The following FSTL4 variants were observed in gnomAD, a reference collection of about 807,000 sequenced individuals.
FSTL4 encodes follistatin like 4.
FSTL4 carries 28 observed loss-of-function variants against 78.2 expected under a neutral mutation model. That is an observed-to-expected ratio of 0.36 (90% CI 0.27 to 0.49). The LOEUF (loss-of-function observed/expected upper bound fraction) is 0.49, where lower values mean the gene tolerates loss of function less well. Among genes scored for constraint, FSTL4 ranks in the 20% least tolerant of loss-of-function variants. The pLI is 0.98. For missense variants in FSTL4, 922 were observed against 1,084.9 expected, an observed-to-expected ratio of 0.85 and a Z score of 2.11; for synonymous variants, 422 against 440.5, an observed-to-expected ratio of 0.96 and a Z score of 0.53.
intron 3 of FSTL4, among the ~76,000 whole-genome samples, chr5:133,559,016 C>G (rs1190337645): frequency 6.6e-6 from 1 of 152,152 alleles, no homozygotes; most frequent in Non-Finnish European, 1.5e-5. Context: ...ACAACACAAT[C>G]TTAAAATAAT....
In FSTL4 at chr5:133,198,265, C is replaced by T. The variant is rs543056059; in HGVS notation, c.*830G>A. ...GTTCTGGTTTTTTGGGGTCCCAACACAGAACCGAGTCCTTACGGATGAGGT... is the reference window on the plus strand; with the variant it reads ...GTTCTGGTTTTTTGGGGTCCCAACATAGAACCGAGTCCTTACGGATGAGGT... On this transcript the variant is annotated 3_prime_UTR_variant, in exon 16 of 16. Transcript: ENST00000265342. 1.8e-3 allele frequency: 282 copies of T among 152,712 alleles called. 1 individual carries two copies. The highest frequency in any genetic ancestry group is 2.0e-3 in the Non-Finnish European group (138 of 68,070). The allele number at this position is 152,712 out of a possible 1,614,324, so 9.5% of individuals were successfully genotyped here.
At chr5:133,755,786 G>A in the FSTL4 span, among the ~76,000 whole-genome samples, 21 of 152,190 alleles carry the variant, frequency 1.4e-4, no homozygotes, top group African/African-American at 5.1e-4. Context: ...CACCTGGCGG[G>A]TATAAGCATA....
At chr5:133,723,447 GGTA>G in the FSTL4 span, among the ~76,000 whole-genome samples, 2 of 152,188 alleles carry the variant, frequency 1.3e-5, no homozygotes, top group African/African-American at 4.8e-5. Context: ...TGGGCCCTGG[GGTA>G]GTGGGACATG....
At chr5:133,786,309 A>T in the FSTL4 span, among the ~76,000 whole-genome samples, 1 of 152,214 alleles carries the variant, frequency 6.6e-6, no homozygotes, top group Non-Finnish European at 1.5e-5. Flanking sequence ...GGCCGCAGTT[A>T]AATGTTTCAT....
intron 3 of FSTL4, among the ~76,000 whole-genome samples, chr5:133,472,995 C>G (rs1757855987): frequency 6.6e-6 from 1 of 152,238 alleles, no homozygotes; most frequent in Admixed American, 6.5e-5. Flanking sequence ...GGAGCTCCTG[C>G]CCATGACCTT....
intron 13 of FSTL4, among the ~76,000 whole-genome samples, chr5:133,211,498 C>T (rs1750712944): frequency 6.6e-6 from 1 of 152,190 alleles, no homozygotes; most frequent in Non-Finnish European, 1.5e-5. Context: ...TTCACCCACT[C>T]ATATTCTAGT....
intron 6 of FSTL4, among the ~76,000 whole-genome samples, chr5:133,299,461 A>C (rs993644479): frequency 3.2e-4 from 49 of 152,106 alleles, no homozygotes; most frequent in African/African-American, 1.1e-3. Flanking sequence ...AATTCTAACC[A>C]GGCGGCGGCT....
chr5:133,714,989 T>C, the FSTL4 span, among the ~76,000 whole-genome samples: 1 of 152,250 alleles, frequency 6.6e-6, no homozygotes, highest in Non-Finnish European at 1.5e-5. Flanking sequence ...CTCCATGGGA[T>C]CAGGGCAGTC....
the FSTL4 span, among the ~76,000 whole-genome samples, chr5:133,784,893 G>C: frequency 6.6e-6 from 1 of 152,122 alleles, no homozygotes; most frequent in Admixed American, 6.5e-5. Context: ...TTGTGAAATG[G>C]TGACTTTGGC....
At chr5:133,726,254 C>T in the FSTL4 span, among the ~76,000 whole-genome samples, 2 of 152,198 alleles carry the variant, frequency 1.3e-5, no homozygotes, top group African/African-American at 4.8e-5. Context: ...CTCAGCCATG[C>T]CACCTATCAA....
chr5:133,338,784 C>G lies in FSTL4; in HGVS notation c.410-22132G>C, dbSNP rs548930053. ...CACCCAAGCCCCCTGCTTCCCAAAT[C>G]GCACACCTGGCACTACCTCACCATC... is the stretch of plus-strand genomic sequence containing the variant. On this transcript the variant is annotated intron_variant, in intron 4 of 15. Coordinates refer to ENST00000265342, the MANE Select transcript of FSTL4 (RefSeq NM_015082.2). The surrounding 1 kb of genome is among the most constrained non-coding windows in gnomAD (Gnocchi z 4.0). 5.3e-5 allele frequency among the ~76,000 whole-genome samples: 8 copies of G among 152,082 alleles called. No homozygotes were observed. The highest frequency in any genetic ancestry group is 1.3e-4 in the Admixed American group (2 of 15,274).
chr5:133,452,551 C>A (rs1757406042), intron 3 of FSTL4, among the ~76,000 whole-genome samples: 1 of 152,238 alleles, frequency 6.6e-6, no homozygotes, highest in African/African-American at 2.4e-5. Context: ...AAGTGCTAGG[C>A]TCTGAGAGGT....
chr5:133,301,000 T>C (rs1484076701), intron 6 of FSTL4, among the ~76,000 whole-genome samples: 1 of 152,120 alleles, frequency 6.6e-6, no homozygotes, highest in Non-Finnish European at 1.5e-5. Context: ...TTTCACACTG[T>C]CATCTGAAAG....
chr5:133,841,570 T>G, the FSTL4 span, among the ~76,000 whole-genome samples: 1 of 152,240 alleles, frequency 6.6e-6, no homozygotes, highest in Non-Finnish European at 1.5e-5. Context: ...TTCTCTCTTT[T>G]GGTCCTTACA....
chr5:133,311,590 A>G (rs17166547), intron 6 of FSTL4, among the ~76,000 whole-genome samples: 6,530 of 152,282 alleles, frequency 0.043, 443 homozygotes, highest in African/African-American at 0.15. Flanking sequence ...GGCCTTGTGA[A>G]GGTGTGGAAT....
intron 3 of FSTL4, among the ~76,000 whole-genome samples, chr5:133,558,869 C>T (rs537110160): frequency 1.1e-4 from 16 of 152,252 alleles, no homozygotes; most frequent in Non-Finnish European, 1.8e-4. Context: ...GGGCCAAATG[C>T]AGAGTGAGTG....
the FSTL4 span, among the ~76,000 whole-genome samples, chr5:133,634,477 A>C: frequency 2.0e-5 from 3 of 151,954 alleles, no homozygotes; most frequent in African/African-American, 7.3e-5. Context: ...GCAAAGAGAA[A>C]ACCCAGAGAA....
chr5:133,277,817 T>TG (rs1404145921), intron 6 of FSTL4, among the ~76,000 whole-genome samples: 3 of 152,168 alleles, frequency 2.0e-5, no homozygotes, highest in Non-Finnish European at 4.4e-5. Context: ...GAACTGTTTT[T>TG]GGGGGTTCAT....
chr5:133,622,912 T>C, the FSTL4 span, among the ~76,000 whole-genome samples: 1 of 152,158 alleles, frequency 6.6e-6, no homozygotes, highest in African/African-American at 2.4e-5. Flanking sequence ...TTTGATGCAG[T>C]CAGACTTATC....
Sources: gnomAD v4.1 joint callset for allele counts (sites outside exome capture counted in the v4.1 genomes callset) on GRCh38, gnomAD v4.1.1 for gene constraint, Gnocchi (gnomAD v3.1) non-coding constraint, MANE v1.5 for transcripts, NCBI Gene and HGNC (gene_info 2026-07-23, HGNC 2026-07-21) for gene names.